Variants in INTS12 observed in about 807,000 individuals in gnomAD.
The protein encoded by INTS12 is integrator complex subunit 12.
In INTS12, 13 loss-of-function variants were observed where a neutral mutation model predicts 41.6. That is an observed-to-expected ratio of 0.31 (90% CI 0.20 to 0.50). The LOEUF is 0.50. INTS12 is among the 20% of genes least tolerant of loss of function. The pLI, the probability that INTS12 is intolerant of heterozygous loss-of-function variation, is 0.98. For missense variants in INTS12, 432 were observed against 541.6 expected, an observed-to-expected ratio of 0.80 and a Z score of 2.01; for synonymous variants, 199 against 191.4, an observed-to-expected ratio of 1.04 and a Z score of -0.33.
intron 4 of INTS12, among the ~76,000 whole-genome samples, chr4:105,694,498 G>C (rs189053841): frequency 2.0e-5 from 3 of 152,044 alleles, no homozygotes; most frequent in Non-Finnish European, 4.4e-5. Flanking sequence ...GCTAATTTTT[G>C]TATTTTTAGT....
At position 105,682,701 on chromosome 4, in the gene INTS12, G is replaced by T. The variant is rs1249017188; in HGVS notation, c.*32C>A. On this transcript the variant is annotated 3_prime_UTR_variant, in exon 8 of 8. Transcript: ENST00000340139. ...ATAATAATAAGCCTTTCATCTTTAG[G>T]CTAATATGATACAAAAACCTACTTG... 2.0e-6 allele frequency: 3 copies of T among 1,497,174 alleles called. No individual in the cohort carries two copies. In the Admixed American group the frequency reaches 5.1e-5, roughly 25 times the overall value. The allele number at this position is 1,497,174 out of a possible 1,614,324, so 92.7% of individuals were successfully genotyped here. A position where few individuals can be genotyped will look rare whatever the true frequency, so the allele number is the denominator to read the frequency against.
At position 105,695,636 on chromosome 4, in the gene INTS12, T is replaced by C; in HGVS notation, c.189A>G (p.Lys63=). The change falls in exon 4 of 8, where the codon AAA becomes AAG. Residue 63 remains lysine (K), a synonymous_variant. Transcript: ENST00000340139. The part of the protein sequence containing the change: ...DVEPPKISST[K]NISIKQEPKI... ...TGGGCTCTTGCTTAATGGAAATGTT[T>C]TTTGTGCTTGAAATTTTGGGTGGCT... 2 of 1,612,992 alleles carry C rather than the reference T, an allele frequency of 1.2e-6. No homozygotes were observed. The highest frequency in any genetic ancestry group is 1.7e-6 in the Non-Finnish European group (2 of 1,179,734).
chr4:105,700,033 A>G lies in INTS12; in HGVS notation c.-9-19T>C, dbSNP rs750621636. 2.8e-6 allele frequency: 4 copies of G among 1,447,182 alleles called. No individual in the cohort carries two copies. In the South Asian group the frequency reaches 6.3e-5, roughly 23 times the overall value. The allele number at this position is 1,447,182 out of a possible 1,614,324, so 89.6% of individuals were successfully genotyped here. A position where few individuals can be genotyped will look rare whatever the true frequency, so the allele number is the denominator to read the frequency against. On this transcript the variant is annotated intron_variant, in intron 2 of 7. Transcript: ENST00000340139. ...CAAACGCCTGAAGGAAAAAAAGAGA[A>G]AGTAATCTAGAAGACAATGCACAAT...
intron 3 of INTS12, among the ~76,000 whole-genome samples, chr4:105,698,244 T>C (rs1240443250): frequency 6.6e-6 from 1 of 152,216 alleles, no homozygotes; most frequent in Admixed American, 6.5e-5. Flanking sequence ...CCAATATTCA[T>C]GTTAGAATAC....
In INTS12 at chr4:105,682,992, A is replaced by T; in HGVS notation, c.1130T>A (p.Val377Asp). ...TACTTTGCTGACATTGTCACAACTA[A>T]CTGAGCGACTAAGGCCAGTTTTACC... ...TLGKTGLSRS[V>D]SCDNVSKVGL... The change falls in exon 8 of 8, where the codon GTT becomes GAT. Residue 377 changes from valine to aspartate, a missense_variant. Around this residue, in one of 3 missense-constraint regions of INTS12, gnomAD observed 258 missense variants for 309.9 expected, o/e 0.83. Coordinates refer to ENST00000340139, the MANE Select transcript of INTS12 (RefSeq NM_020395.4). 1 of 1,614,146 alleles carries T rather than the reference A, an allele frequency of 6.2e-7. No individual in the cohort carries two copies. The highest frequency in any genetic ancestry group is 1.7e-5 in the Admixed American group (1 of 60,022).
chr4:105,687,206 A>G lies in INTS12; in HGVS notation c.658-368T>C, dbSNP rs561488735. 70 of 220,138 alleles carry G rather than the reference A, an allele frequency of 3.2e-4. 1 individual carries two copies. In the South Asian group the frequency reaches 3.9e-3, roughly 12 times the overall value. The allele number at this position is 220,138 out of a possible 1,614,324, so 13.6% of individuals were successfully genotyped here. Reference sequence around the variant, plus strand: ...CTCATTGGGGTTTGTCAAATACACAAGAGTTTTCTTCTTGGGGTCTAGGCA... The same window carrying G: ...CTCATTGGGGTTTGTCAAATACACAGGAGTTTTCTTCTTGGGGTCTAGGCA... On this transcript the variant is annotated intron_variant, in intron 6 of 7. Transcript: ENST00000340139.
chr4:105,696,330 CA>C (rs1731865171), intron 3 of INTS12, among the ~76,000 whole-genome samples: 2 of 152,152 alleles, frequency 1.3e-5, no homozygotes, highest in African/African-American at 4.8e-5. Flanking sequence ...CTCCCATCAT[CA>C]AGCAAGAAAA....
intron 6 of INTS12, among the ~76,000 whole-genome samples, chr4:105,691,766 T>C (rs975810115): frequency 6.6e-6 from 1 of 152,172 alleles, no homozygotes; most frequent in Non-Finnish European, 1.5e-5. Context: ...TAGAATTAGA[T>C]AAAACTAAAA....
At chr4:105,706,170 C>G (rs1732254142) in intron 1 of INTS12, 1 of 150,824 alleles carries the variant, frequency 6.6e-6, no homozygotes. Flanking sequence ...CTAGCAGTTT[C>G]TTCTTGGTAA....
chr4:105,697,492 T>C (rs886737887), intron 3 of INTS12, among the ~76,000 whole-genome samples: 1 of 152,212 alleles, frequency 6.6e-6, no homozygotes, highest in Admixed American at 6.5e-5. Context: ...ATTATTATGC[T>C]GATTGTTTAG....
At chr4:105,691,157 G>C (rs1264904893) in intron 6 of INTS12, among the ~76,000 whole-genome samples, 2 of 151,944 alleles carry the variant, frequency 1.3e-5, no homozygotes, top group Non-Finnish European at 2.9e-5. Context: ...AAGATATATT[G>C]GTTAGACAAA....
intron 2 of INTS12, 105 bp from the exon 3 acceptor site, chr4:105,700,119 T>C: frequency 1.5e-6 from 1 of 667,570 alleles, no homozygotes. Flanking sequence ...ACTGTACACA[T>C]GATATAAAAT....
chr4:105,697,032 A>G (rs1731890800), intron 3 of INTS12, among the ~76,000 whole-genome samples: 1 of 152,220 alleles, frequency 6.6e-6, no homozygotes, highest in African/African-American at 2.4e-5. Context: ...TTGCCCATTT[A>G]AAAGAAATGA....
chr4:105,684,448 T>G (rs183340723), intron 7 of INTS12, among the ~76,000 whole-genome samples: 56 of 152,272 alleles, frequency 3.7e-4, no homozygotes, highest in African/African-American at 1.3e-3. Flanking sequence ...AGAACTTTAC[T>G]CTGAAATAGT....
intron 6 of INTS12, among the ~76,000 whole-genome samples, chr4:105,688,569 C>G (rs1731572279): frequency 6.6e-6 from 1 of 152,180 alleles, no homozygotes; most frequent in Non-Finnish European, 1.5e-5. Context: ...ATTACTGGTA[C>G]TAGCAGGAAA....
intron 6 of INTS12, among the ~76,000 whole-genome samples, chr4:105,688,064 T>C (rs993961441): frequency 3.3e-5 from 5 of 152,200 alleles, no homozygotes; most frequent in Non-Finnish European, 5.9e-5. Flanking sequence ...AAAATGGTAA[T>C]AGCATTTGTT....
chr4:105,696,983 T>A (rs1268801628), intron 3 of INTS12, among the ~76,000 whole-genome samples: 2 of 152,244 alleles, frequency 1.3e-5, no homozygotes, highest in East Asian at 3.8e-4. Context: ...TCATATGGCA[T>A]ACATATATCT....
intron 3 of INTS12, among the ~76,000 whole-genome samples, chr4:105,697,106 C>T (rs1731893703): frequency 3.3e-5 from 5 of 152,198 alleles, no homozygotes; most frequent in Admixed American, 2.6e-4. Flanking sequence ...AGGCCTTTAT[C>T]AGATATATGA....
In INTS12 at chr4:105,683,325, A is replaced by C. The variant is rs756504893; in HGVS notation, c.805-8T>G. The stretch of plus-strand genomic sequence containing the variant: ...TGAAATAACTGTGGATGTCTAAAAA[A>C]ATAAAGTAAATAATTACATTAGAGC... On this transcript the variant is annotated splice_region_variant and splice_polypyrimidine_tract_variant and intron_variant, in intron 7 of 7. Coordinates refer to ENST00000340139, the MANE Select transcript of INTS12 (RefSeq NM_020395.4). 2 of 1,572,954 alleles carry C rather than the reference A, an allele frequency of 1.3e-6. No individual in the cohort carries two copies. Among genetic ancestry groups the C allele is most frequent in the Admixed American group, 1.8e-5 (1 of 54,992 alleles).
Sources: gnomAD v4.1 joint callset for allele counts (sites outside exome capture counted in the v4.1 genomes callset) on GRCh38, gnomAD v4.1.1 for gene constraint, gnomAD v4.1.1 regional missense constraint, MANE v1.5 for transcripts, NCBI Gene and HGNC (gene_info 2026-07-23, HGNC 2026-07-21) for gene names.